Variants in ADCY2 observed in about 807,000 individuals in gnomAD.
ADCY2 encodes the protein adenylate cyclase 2.
Under a neutral mutation model 125.2 loss-of-function variants are expected in ADCY2, and 31 were observed. That is an observed-to-expected ratio of 0.25 (90% CI 0.19 to 0.33). The LOEUF is 0.33. ADCY2 is among the 10% of genes least tolerant of loss of function. ADCY2 has a pLI of 1.00. For missense variants in ADCY2, 904 were observed against 1,418.2 expected, an observed-to-expected ratio of 0.64 and a Z score of 5.82; for synonymous variants, 512 against 548.4, an observed-to-expected ratio of 0.93 and a Z score of 0.93.
intron 3 of ADCY2, among the ~76,000 whole-genome samples, chr5:7,589,590 T>C (rs1736783009): frequency 1.3e-5 from 2 of 151,796 alleles, no homozygotes; most frequent in Non-Finnish European, 2.9e-5. Flanking sequence ...AAAATACATA[T>C]TGGTGAATAT....
intron 1 of ADCY2, among the ~76,000 whole-genome samples, chr5:7,398,318 G>A (rs891657059): frequency 6.6e-6 from 1 of 152,182 alleles, no homozygotes; most frequent in African/African-American, 2.4e-5. Flanking sequence ...TCTTGAATGG[G>A]TCACTCAGAG....
At chr5:7,756,865 A>G (rs1293312420) in intron 15 of ADCY2, among the ~76,000 whole-genome samples, 3 of 152,220 alleles carry the variant, frequency 2.0e-5, no homozygotes, top group African/African-American at 7.2e-5. Context: ...TTGGAGGGAA[A>G]AAAGGAGCTT....
chr5:7,543,136 T>C (rs1224179855), intron 3 of ADCY2, among the ~76,000 whole-genome samples: 1 of 152,210 alleles, frequency 6.6e-6, no homozygotes, highest in African/African-American at 2.4e-5. Context: ...AATATGCATA[T>C]ATATGTTTGT....
intron 12 of ADCY2, among the ~76,000 whole-genome samples, chr5:7,720,118 A>T (rs527629284): frequency 7.6e-4 from 115 of 152,254 alleles, no homozygotes; most frequent in Non-Finnish European, 1.5e-3. Flanking sequence ...GGGTCAGGAA[A>T]AATGTCAGGA....
intron 16 of ADCY2, among the ~76,000 whole-genome samples, chr5:7,761,473 CAATA>C (rs1282582985): frequency 6.6e-6 from 1 of 152,062 alleles, no homozygotes. Flanking sequence ...AATCATCCAT[CAATA>C]GATAGATTGT....
At chr5:7,447,764 C>T (rs886999428) in intron 2 of ADCY2, among the ~76,000 whole-genome samples, 3 of 152,174 alleles carry the variant, frequency 2.0e-5, no homozygotes, top group Non-Finnish European at 4.4e-5. Flanking sequence ...GTGGAAGATG[C>T]TGTTGTACCA....
rs779115879 is a variant in ADCY2, at chr5:7,745,483, A to G, written c.1956+1731A>G. Reference sequence around the variant, plus strand: ...ACCCCCTGAAGACATTGTGGGTTGTATAGAGGAGGGAAGACCCTTGGTTAA... The same window carrying G: ...ACCCCCTGAAGACATTGTGGGTTGTGTAGAGGAGGGAAGACCCTTGGTTAA... On this transcript the variant is annotated intron_variant, in intron 15 of 24. Coordinates refer to ENST00000338316, the MANE Select transcript of ADCY2 (RefSeq NM_020546.3). 5.3e-5 allele frequency among the ~76,000 whole-genome samples: 8 copies of G among 152,326 alleles called. No homozygotes were observed. In the South Asian group the frequency reaches 1.4e-3, roughly 28 times the overall value.
intron 2 of ADCY2, among the ~76,000 whole-genome samples, chr5:7,453,221 T>G (rs779681976): frequency 6.6e-6 from 1 of 152,248 alleles, no homozygotes. Context: ...TCCAGAATTT[T>G]TATGGTTTCA....
intron 2 of ADCY2, among the ~76,000 whole-genome samples, chr5:7,432,913 T>C (rs1423150551): frequency 6.6e-6 from 1 of 152,136 alleles, no homozygotes; most frequent in Admixed American, 6.5e-5. Flanking sequence ...TACTGCTTAT[T>C]GTACTGCATG....
chr5:7,415,898 C>A (rs1450830177), intron 2 of ADCY2, among the ~76,000 whole-genome samples: 2 of 151,776 alleles, frequency 1.3e-5, no homozygotes, highest in Non-Finnish European at 2.9e-5. Context: ...TTGAAGCCAT[C>A]CAGGGAGAGG....
intron 24 of ADCY2, among the ~76,000 whole-genome samples, chr5:7,822,500 G>A (rs1745332692): frequency 6.6e-6 from 1 of 152,228 alleles, no homozygotes; most frequent in African/African-American, 2.4e-5. Flanking sequence ...TCAGTGAAGA[G>A]CTTGGAGATA....
At chr5:7,451,311 G>A (rs953985992) in intron 2 of ADCY2, among the ~76,000 whole-genome samples, 3 of 152,202 alleles carry the variant, frequency 2.0e-5, no homozygotes, top group African/African-American at 7.2e-5. Flanking sequence ...ACAGGATTTT[G>A]GAAGAAGTTG....
At chr5:7,426,600 C>G (rs1167112852) in intron 2 of ADCY2, among the ~76,000 whole-genome samples, 2 of 152,196 alleles carry the variant, frequency 1.3e-5, no homozygotes, top group Non-Finnish European at 2.9e-5. Context: ...TAAGTTTCAA[C>G]TTGAATTTTG....
intron 4 of ADCY2, among the ~76,000 whole-genome samples, chr5:7,645,554 G>A (rs1303484982): frequency 6.6e-6 from 1 of 152,156 alleles, no homozygotes; most frequent in Admixed American, 6.6e-5. Flanking sequence ...GAGGATGACT[G>A]GTTGGATCAC....
chr5:7,806,396 G>T (rs1187572912), intron 22 of ADCY2, among the ~76,000 whole-genome samples: 2 of 152,084 alleles, frequency 1.3e-5, no homozygotes, highest in South Asian at 2.1e-4. Flanking sequence ...GCACAACACT[G>T]TCAGGACCTA....
At chr5:7,794,404 C>T (rs1004057444) in intron 20 of ADCY2, 2 of 152,224 alleles carry the variant, frequency 1.3e-5, no homozygotes, top group African/African-American at 2.4e-5. Flanking sequence ...ACCCTGTACT[C>T]CCCCAGGGGA....
intron 18 of ADCY2, among the ~76,000 whole-genome samples, chr5:7,775,498 C>A (rs1023950530): frequency 6.6e-6 from 1 of 151,926 alleles, no homozygotes; most frequent in Non-Finnish European, 1.5e-5. Context: ...TCAAGCAATT[C>A]TCCTGCTTCA....
At position 7,530,855 on chromosome 5, in the gene ADCY2, G is replaced by T. The variant is rs147429131; in HGVS notation, c.570+9956G>T. 2.5e-3 allele frequency among the ~76,000 whole-genome samples: 379 copies of T among 152,126 alleles called. 4 individuals are homozygous for T. The highest frequency in any genetic ancestry group is 4.2e-3 in the Admixed American group (64 of 15,282). ...TTACACATGCTGTACCCTCTGCCCA[G>T]AGTGCCTTTCCTACCCCTTCCCTGC... On this transcript the variant is annotated intron_variant, in intron 3 of 24. Coordinates refer to ENST00000338316, the MANE Select transcript of ADCY2 (RefSeq NM_020546.3).
At position 7,707,634 on chromosome 5, in the gene ADCY2, A is replaced by G. The variant is rs562480384; in HGVS notation, c.1269-72A>G. 66 of 1,548,916 alleles carry G rather than the reference A, an allele frequency of 4.3e-5. No homozygotes were observed. In the African/African-American group the frequency reaches 8.5e-4, roughly 20 times the overall value. On this transcript the variant is annotated intron_variant, in intron 8 of 24. Transcript: ENST00000338316. ...TAGTGGATAAATTATTTCAGAAATC[A>G]TGAGCAAATAGAAACCTTTCTTCAC...
Sources: allele counts gnomAD v4.1 joint callset (sites outside exome capture counted in the v4.1 genomes callset), GRCh38; gene constraint gnomAD v4.1.1; transcripts MANE v1.5; gene names NCBI Gene and HGNC (gene_info 2026-07-23, HGNC 2026-07-21).